RLF: variants seen among roughly 807,000 people sequenced by gnomAD.
RLF encodes the protein zinc finger protein Rlf.
A neutral mutation model predicts 162.9 loss-of-function variants in RLF; 7 were observed. The ratio of observed to expected loss-of-function variants is 0.04; its 90% CI spans 0.02 to 0.08. The LOEUF (loss-of-function observed/expected upper bound fraction) is 0.08, where lower values mean the gene tolerates loss of function less well. RLF is among the 10% of genes least tolerant of loss of function. RLF has a pLI of 1.00. For synonymous variants in RLF, 782 were observed against 791.5 expected (o/e 0.99, Z 0.20); for missense variants, 1,664 against 2,244.7 (o/e 0.74, Z 5.23).
intron 1 of RLF, chr1:40,178,060 A>G (rs188210180): frequency 0.022 from 3,015 of 136,904 alleles, 72 homozygotes; most frequent in Non-Finnish European, 0.024. Flanking sequence ...TAAAAAACAT[A>G]TATATATATA....
rs962268786 is a variant in RLF, at chr1:40,161,798, C to A, written c.237+162C>A. Among the ~76,000 whole-genome samples the A allele has an allele frequency of 2.0e-5, 3 of 152,174 alleles. No individual in the cohort carries two copies. The highest frequency in any genetic ancestry group is 7.2e-5 in the African/African-American group (3 of 41,440). On this transcript the variant is annotated intron_variant, in intron 1 of 7. Transcript: ENST00000372771. This position sits in a 1 kb window ranked among gnomAD's most constrained non-coding sequence, Gnocchi z 4.4. ...CCCAGCTCGGAAGCTCGACCGCTGGCCCCCCTGCGCCACTGCCCGACTTTG... is the reference window on the plus strand; with the variant it reads ...CCCAGCTCGGAAGCTCGACCGCTGGACCCCCTGCGCCACTGCCCGACTTTG...
rs1271096234 is a variant in RLF at position 40,202,413 on chromosome 1, C to T, written c.609C>T (p.Val203=). The change falls in exon 5 of 8, where the codon GTC becomes GTT. Residue 203 remains valine (V), a splice_region_variant and synonymous_variant. Coordinates refer to ENST00000372771, the MANE Select transcript of RLF (RefSeq NM_012421.4). ...TGTTTTATTTTTCATTTTTTCTAGT[C>T]AATAAATTGATTGCACAAGAAGGAC... ...LSQQPVETEE[V]NKLIAQEGPS... 4 of 1,562,662 alleles carry T rather than the reference C, an allele frequency of 2.6e-6. No homozygotes were observed. In the South Asian group the frequency reaches 4.9e-5, roughly 19 times the overall value.
intron 4 of RLF, among the ~76,000 whole-genome samples, chr1:40,196,667 T>G (rs1356612323): frequency 6.6e-6 from 1 of 152,038 alleles, no homozygotes; most frequent in Admixed American, 6.6e-5. Context: ...GTACAGTTAA[T>G]TTTTCTATTT....
At chr1:40,217,302 C>T (rs1447817307) in intron 5 of RLF, among the ~76,000 whole-genome samples, 1 of 151,836 alleles carries the variant, frequency 6.6e-6, no homozygotes, top group Non-Finnish European at 1.5e-5. Context: ...TCCATCTCTA[C>T]AAAAAAATAA....
rs34816285 is a variant in RLF, at chr1:40,198,301, C to CT, written c.607+2556dup. ...AGGTGTGAGCCACCGCGCCCGGCCT[C>CT]TTTTTTTTTTTTTTTTTTTAAAGAC... On this transcript the variant is annotated intron_variant, in intron 4 of 7. Coordinates refer to ENST00000372771, the MANE Select transcript of RLF (RefSeq NM_012421.4). Among the ~76,000 whole-genome samples, 505 of 123,784 alleles carry CT rather than the reference C, an allele frequency of 4.1e-3. 1 individual carries two copies. Among genetic ancestry groups the CT allele is most frequent in the African/African-American group, 0.012 (388 of 32,114 alleles). 81.2% of individuals were successfully genotyped at this position (123,784 alleles called of 152,430 possible).
intron 5 of RLF, among the ~76,000 whole-genome samples, chr1:40,219,038 GT>G (rs1642960455): frequency 6.6e-6 from 1 of 152,142 alleles, no homozygotes; most frequent in Non-Finnish European, 1.5e-5. Flanking sequence ...TCAAAAGTTT[GT>G]TGGTGACCTT....
chr1:40,230,055 G>A (rs970510700), intron 6 of RLF, among the ~76,000 whole-genome samples: 9 of 151,508 alleles, frequency 5.9e-5, no homozygotes, highest in Non-Finnish European at 1.3e-4. Flanking sequence ...TGGAGGTTGC[G>A]GTGAGCCAAG....
chr1:40,165,482 G>A (rs748428359), intron 1 of RLF, among the ~76,000 whole-genome samples: 12 of 152,190 alleles, frequency 7.9e-5, no homozygotes, highest in Non-Finnish European at 8.8e-5. Context: ...CTGCATGGGA[G>A]ATTTTTCTTC....
At chr1:40,233,717 CCT>C (rs1462486862) in intron 7 of RLF, among the ~76,000 whole-genome samples, 1 of 152,160 alleles carries the variant, frequency 6.6e-6, no homozygotes, top group Non-Finnish European at 1.5e-5. Flanking sequence ...CTAGGTAATG[CCT>C]CTCTTTCAAA....
intron 5 of RLF, among the ~76,000 whole-genome samples, chr1:40,222,331 G>A (rs532630248): frequency 2.0e-5 from 3 of 152,222 alleles, no homozygotes; most frequent in African/African-American, 4.8e-5. Context: ...AGCAATGTTC[G>A]TAATTTTTTT....
At position 40,239,252 on chromosome 1, in the gene RLF, A is replaced by G. The variant is rs1043315652; in HGVS notation, c.4550A>G (p.Lys1517Arg). Residue 1517 changes from lysine to arginine, a missense_variant, in exon 8 of 8, where the codon AAA (lysine) becomes AGA (arginine). Around this residue, in one of 15 missense-constraint regions of RLF, gnomAD observed 200 missense variants for 207.3 expected, o/e 0.96. Coordinates refer to ENST00000372771, the MANE Select transcript of RLF (RefSeq NM_012421.4). The stretch of plus-strand genomic sequence containing the variant: ...AGATCATTTAATGCTAAGTCTAAAA[A>G]ATGTGGCTTAATCAAAGAAAAGAAA... ...TRRSFNAKSK[K>R]CGLIKEKKAP... 95 of 1,614,038 alleles carry G rather than the reference A, an allele frequency of 5.9e-5. No individual in the cohort carries two copies. The highest frequency in any genetic ancestry group is 8.0e-5 in the Non-Finnish European group (94 of 1,180,028).
At chr1:40,174,343 C>A (rs978512691) in intron 1 of RLF, among the ~76,000 whole-genome samples, 40 of 150,920 alleles carry the variant, frequency 2.7e-4, no homozygotes, top group Admixed American at 7.9e-4. Flanking sequence ...TGCACTCCAA[C>A]ATGGGTAACA....
In RLF at chr1:40,239,832, G is replaced by A. The variant is rs944865571; in HGVS notation, c.5130G>A (p.Gly1710=). The A allele has an allele frequency of 3.7e-6, 6 of 1,613,964 alleles. No homozygotes were observed. The highest frequency in any genetic ancestry group is 5.1e-6 in the Non-Finnish European group (6 of 1,180,014). ...SIPNPNGTES[G]TYFTSFQLPL... ...CTAATCCCAATGGGACTGAAAGTGG[G>A]ACTTATTTCACAAGTTTCCAGCTGC... The change falls in exon 8 of 8, where the codon GGG becomes GGA. Residue 1710 remains glycine, a synonymous_variant. Coordinates refer to ENST00000372771, the MANE Select transcript of RLF (RefSeq NM_012421.4).
chr1:40,224,225 T>C (rs1643033265), intron 6 of RLF, among the ~76,000 whole-genome samples: 1 of 151,856 alleles, frequency 6.6e-6, no homozygotes, highest in Non-Finnish European at 1.5e-5. Context: ...GGAGCTATAA[T>C]GAGTAAAGGA....
At chr1:40,167,903 T>C (rs887465849) in intron 1 of RLF, among the ~76,000 whole-genome samples, 10 of 151,850 alleles carry the variant, frequency 6.6e-5, no homozygotes, top group Non-Finnish European at 1.5e-4. Flanking sequence ...TAAGCAAGTC[T>C]TAACTGTCTT....
chr1:40,208,315 C>T (rs1459367763), intron 5 of RLF, among the ~76,000 whole-genome samples: 3 of 152,158 alleles, frequency 2.0e-5, no homozygotes, highest in African/African-American at 7.2e-5. Context: ...GAAGCTATGA[C>T]CTAGGGCCTC....
rs142921575 is a variant in RLF at position 40,204,515 on chromosome 1, T to G, written c.810+1901T>G. On this transcript the variant is annotated intron_variant, in intron 5 of 7. Transcript: ENST00000372771. ...TCAAAATCCTGGGCTCAGGTGATCT[T>G]CCCACCTCAGCCCCTGGAGTAGCTA... is the stretch of plus-strand genomic sequence containing the variant. 4.8e-3 allele frequency among the ~76,000 whole-genome samples: 735 copies of G among 152,268 alleles called. 8 individuals carry two copies. The highest frequency in any genetic ancestry group is 0.017 in the African/African-American group (690 of 41,548).
At chr1:40,186,629 T>G (rs1210940680) in intron 1 of RLF, among the ~76,000 whole-genome samples, 1 of 152,218 alleles carries the variant, frequency 6.6e-6, no homozygotes, top group Non-Finnish European at 1.5e-5. Flanking sequence ...AGTTAGCAGT[T>G]GGTTAATTTG....
chr1:40,235,715 A>G, intron 7 of RLF, 77 bp from the exon 8 acceptor site: 1 of 1,090,758 alleles, frequency 9.2e-7, no homozygotes, highest in Non-Finnish European at 1.3e-6. Context: ...TTTACAAGCT[A>G]AAATTCCTTA....
Sources: gnomAD v4.1 joint callset for allele counts (sites outside exome capture counted in the v4.1 genomes callset) on GRCh38, gnomAD v4.1.1 for gene constraint, gnomAD v4.1.1 regional missense constraint, Gnocchi (gnomAD v3.1) non-coding constraint, MANE v1.5 for transcripts, NCBI Gene and HGNC (gene_info 2026-07-23, HGNC 2026-07-21) for gene names.